CEP95: variants seen among roughly 807,000 people sequenced by gnomAD.
CEP95 encodes the protein centrosomal protein 95, also known as centrosomal protein of 95 kDa.
Under a neutral mutation model 111.2 loss-of-function variants are expected in CEP95, and 98 were observed. The ratio of observed to expected loss-of-function variants is 0.88; its 90% CI spans 0.75 to 1.04. The LOEUF is 1.04. Ranked by LOEUF, CEP95 falls within the 50% of genes least tolerant of loss-of-function variation. CEP95 has a pLI of 0.00. For missense variants in CEP95, 1,027 were observed against 977.2 expected (o/e 1.05, Z -0.68); for synonymous variants, 323 against 327.1 (o/e 0.99, Z 0.14).
chr17:64,525,699 CCTCA>C, intron 8 of CEP95, 67 bp from the exon 9 acceptor site: 2 of 962,282 alleles, frequency 2.1e-6, no homozygotes, highest in Non-Finnish European at 1.6e-6. Flanking sequence ...TTCCTCCCTT[CCTCA>C]CTCCCAGAAA....
intron 1 of CEP95, chr17:64,507,845 C>A: frequency 2.0e-6 from 2 of 985,358 alleles, no homozygotes; most frequent in South Asian, 9.4e-5. Context: ...CCTACCAATT[C>A]CCAGGCATTT....
At chr17:64,529,700 G>A (rs1968126799) in intron 12 of CEP95, among the ~76,000 whole-genome samples, 1 of 152,166 alleles carries the variant, frequency 6.6e-6, no homozygotes, top group African/African-American at 2.4e-5. Context: ...TATTTTCAGA[G>A]TGAGCTTCAG....
chr17:64,519,432 T>C lies in CEP95; in HGVS notation c.585T>C (p.Ser195=), dbSNP rs1967138363. 1.3e-6 allele frequency: 2 copies of C among 1,598,430 alleles called. No individual in the cohort carries two copies. Among genetic ancestry groups the C allele is most frequent in the African/African-American group, 1.3e-5 (1 of 74,584 alleles). ...GDTAHTFSLR[S]NGAQCPNEML... Reference sequence around the variant, plus strand: ...CAGCACACACCTTTTCTCTAAGAAGTAATGGTGAGTAGTTAAACCTGAAGT... The same window carrying C: ...CAGCACACACCTTTTCTCTAAGAAGCAATGGTGAGTAGTTAAACCTGAAGT... The change falls in exon 6 of 20, where the codon AGT becomes AGC. Residue 195 remains serine, a synonymous_variant. Coordinates refer to ENST00000556440, the MANE Select transcript of CEP95 (RefSeq NM_138363.3).
intron 7 of CEP95, among the ~76,000 whole-genome samples, chr17:64,521,948 C>G (rs1189400534): frequency 7.2e-5 from 11 of 152,094 alleles, no homozygotes; most frequent in African/African-American, 2.7e-4. Context: ...CCTCCGCCTC[C>G]TGGGTTCAAG....
chr17:64,532,907 C>T lies in CEP95; in HGVS notation c.1741C>T (p.Pro581Ser). The stretch of plus-strand genomic sequence containing the variant: ...GTTTCCGTTTCTTTATGTTTCTGGC[C>T]CAACACTAAGCAAAATGTGGAAACA... ...EQFPFLYVSG[P>S]TLSKMWKQQI... The change falls in exon 15 of 20, where the codon CCA (proline) becomes TCA (serine). Residue 581 changes from proline (P) to serine (S), a missense_variant. Physicochemically the swap from Pro to Ser is moderately conservative, Grantham distance 74. Transcript: ENST00000556440. 2 of 1,613,834 alleles carry T rather than the reference C, an allele frequency of 1.2e-6. No individual in the cohort carries two copies. Among genetic ancestry groups the T allele is most frequent in the Non-Finnish European group, 1.7e-6 (2 of 1,179,850 alleles).
At chr17:64,534,905 C>A in intron 17 of CEP95, 168 bp downstream of exon 17, 1 of 711,218 alleles carries the variant, frequency 1.4e-6, no homozygotes, top group Admixed American at 2.3e-5. Context: ...TTTCTTACTC[C>A]ATTGTGCATT....
At chr17:64,527,656 T>G (rs1219695330) in intron 11 of CEP95, among the ~76,000 whole-genome samples, 3 of 152,116 alleles carry the variant, frequency 2.0e-5, no homozygotes, top group Admixed American at 6.5e-5. Context: ...ACTGTATATA[T>G]TATTCTGCAA....
In CEP95 at chr17:64,536,260, G is replaced by A. The variant is rs11652455; in HGVS notation, c.2071-342G>A. ...CAAGGATTGCTTGGGACCAGCCTGG[G>A]CAACATAGTGAGACGTCATCTCTCC... On this transcript the variant is annotated intron_variant, in intron 17 of 19. Coordinates refer to ENST00000556440, the MANE Select transcript of CEP95 (RefSeq NM_138363.3). The A allele has an allele frequency of 7.9e-3, 1,298 of 163,716 alleles. 19 individuals carry two copies. The highest frequency in any genetic ancestry group is 0.011 in the Non-Finnish European group (812 of 76,058). 10.1% of individuals were successfully genotyped at this position (163,716 alleles called of 1,614,324 possible).
rs1555681875 is a variant in CEP95, at chr17:64,537,586, A to G, written c.2290-17A>G. 4.4e-6 allele frequency: 7 copies of G among 1,578,352 alleles called. No individual in the cohort carries two copies. Among genetic ancestry groups the G allele is most frequent in the South Asian group, 3.5e-5 (3 of 86,184 alleles). ...TAAATGCTGTGAACAGCGGGATGAC[A>G]TGCCTTCTTTTTTCAGACATTACAT... On this transcript the variant is annotated splice_polypyrimidine_tract_variant and intron_variant, in intron 19 of 19. Transcript: ENST00000556440.
chr17:64,520,674 C>G (rs1480414584), intron 6 of CEP95: 1 of 152,222 alleles, frequency 6.6e-6, no homozygotes, highest in East Asian at 1.9e-4. Flanking sequence ...CTCAAGTGAT[C>G]TGCCTGCCTT....
intron 7 of CEP95, among the ~76,000 whole-genome samples, chr17:64,522,012 A>G (rs1347688425): frequency 6.6e-6 from 1 of 151,910 alleles, no homozygotes; most frequent in African/African-American, 2.4e-5. Context: ...GCTTGCTACC[A>G]CGCCCAGCTA....
intron 1 of CEP95, chr17:64,507,494 CT>C (rs2038620766): frequency 1.7e-6 from 2 of 1,201,586 alleles, no homozygotes; most frequent in African/African-American, 1.6e-5. Flanking sequence ...TTGTATTGGT[CT>C]TTAAAGGAAC....
intron 16 of CEP95, 114 bp downstream of exon 16, chr17:64,533,305 T>G: frequency 1.2e-6 from 1 of 849,382 alleles, no homozygotes. Context: ...CACCTGCATG[T>G]GGAAGTGTTG....
chr17:64,533,687 A>G (rs880002737), intron 16 of CEP95, among the ~76,000 whole-genome samples: 1 of 152,170 alleles, frequency 6.6e-6, no homozygotes, highest in East Asian at 1.9e-4. Context: ...GTTAGTCTTC[A>G]TAGTAATGTA....
rs1471949855 is a variant in CEP95 at position 64,532,587 on chromosome 17, C to T, written c.1673-252C>T. 22 of 1,265,014 alleles carry T rather than the reference C, an allele frequency of 1.7e-5. No homozygotes were observed. In the East Asian group the frequency reaches 2.2e-4, roughly 13 times the overall value. The allele number at this position is 1,265,014 out of a possible 1,614,324, so 78.4% of individuals were successfully genotyped here. ...GAGAATCTACCCACAGGCACTGAAG[C>T]GGCTGAGCAATTAGGATGGACTTCC... On this transcript the variant is annotated intron_variant, in intron 14 of 19. Transcript: ENST00000556440.
intron 1 of CEP95, chr17:64,507,730 A>T: frequency 1.0e-6 from 1 of 985,834 alleles, no homozygotes. Flanking sequence ...GGGCGTGGGG[A>T]GGGGGATTAT....
chr17:64,507,186 G>A, intron 1 of CEP95, 70 bp downstream of exon 1: 7 of 1,549,984 alleles, frequency 4.5e-6, no homozygotes, highest in Non-Finnish European at 5.2e-6. Context: ...CCTCGGGCTA[G>A]CCCGGACTGG....
intron 8 of CEP95, among the ~76,000 whole-genome samples, 196 bp downstream of exon 8, chr17:64,523,091 T>C (rs2144451118): frequency 6.6e-6 from 1 of 152,322 alleles, no homozygotes; most frequent in African/African-American, 2.4e-5. Flanking sequence ...AGCATCGTAC[T>C]CCTTAAAATT....
chr17:64,535,877 C>T (rs1426105557), intron 17 of CEP95: 8 of 152,004 alleles, frequency 5.3e-5, no homozygotes. Context: ...TGTTACTTGG[C>T]AATAAAAAGG....
Sources: allele counts gnomAD v4.1 joint callset (sites outside exome capture counted in the v4.1 genomes callset), GRCh38; gene constraint gnomAD v4.1.1; transcripts MANE v1.5; gene names NCBI Gene and HGNC (gene_info 2026-07-23, HGNC 2026-07-21).